Variants in SLC24A4 observed in about 807,000 individuals in gnomAD.
SLC24A4 encodes the protein sodium/potassium/calcium exchanger 4.
Under a neutral mutation model 79.0 loss-of-function variants are expected in SLC24A4, and 53 were observed. That is an observed-to-expected ratio of 0.67 (90% confidence interval 0.54 to 0.84). SLC24A4 has a LOEUF of 0.84. Among genes scored for constraint, SLC24A4 ranks in the 40% least tolerant of loss-of-function variants. SLC24A4 has a pLI of 0.00. For synonymous variants in SLC24A4, 323 were observed against 323.8 expected, an observed-to-expected ratio of 1.00 and a Z score of 0.03; for missense variants, 731 against 822.0, an observed-to-expected ratio of 0.89 and a Z score of 1.35.
At chr14:92,380,288 C>T (rs570528888) in intron 2 of SLC24A4, among the ~76,000 whole-genome samples, 71 of 152,342 alleles carry the variant, frequency 4.7e-4, no homozygotes, top group African/African-American at 1.7e-3. Flanking sequence ...CTCTAAGGAG[C>T]AGGTTGAGTC....
At chr14:92,400,465 G>A (rs1438970487) in intron 2 of SLC24A4, among the ~76,000 whole-genome samples, 2 of 151,748 alleles carry the variant, frequency 1.3e-5, no homozygotes, top group East Asian at 3.9e-4. Context: ...AAAAGAGTTG[G>A]GGGAAAAATA....
chr14:92,347,803 T>G (rs549806185), intron 2 of SLC24A4, among the ~76,000 whole-genome samples: 1 of 152,236 alleles, frequency 6.6e-6, no homozygotes, highest in Non-Finnish European at 1.5e-5. Context: ...GGTGGGCATC[T>G]GTAATCCCAG....
At chr14:92,483,250 G>C (rs1895161423) in intron 13 of SLC24A4, among the ~76,000 whole-genome samples, 1 of 152,166 alleles carries the variant, frequency 6.6e-6, no homozygotes, top group Admixed American at 6.5e-5. Flanking sequence ...CTTGTTCCTT[G>C]CTCCTGCCCA....
Position 92,496,649 on chromosome 14 carries a change from C to T in SLC24A4, c.*3021C>T, listed in dbSNP as rs1467800368. 2 of 152,106 alleles carry T rather than the reference C, an allele frequency of 1.3e-5. No homozygotes were observed. Among genetic ancestry groups the T allele is most frequent in the African/African-American group, 4.8e-5 (2 of 41,384 alleles). 9.4% of individuals were successfully genotyped at this position (152,106 alleles called of 1,614,324 possible). On this transcript the variant is annotated 3_prime_UTR_variant, in exon 17 of 17. Coordinates refer to ENST00000532405, the MANE Select transcript of SLC24A4 (RefSeq NM_153646.4). ...CTGGAGGAAGGTTCTGGGTCAGCTG[C>T]AATGAGAGACTGGTGATTAAGGGCA... is the stretch of plus-strand genomic sequence containing the variant.
At chr14:92,454,943 C>G (rs2139845515) in intron 11 of SLC24A4, among the ~76,000 whole-genome samples, 1 of 152,220 alleles carries the variant, frequency 6.6e-6, no homozygotes, top group African/African-American at 2.4e-5. Context: ...CCACTGGGTG[C>G]TGAGAGGGTG....
At chr14:92,377,698 C>T (rs1283874642) in intron 2 of SLC24A4, among the ~76,000 whole-genome samples, 1 of 152,080 alleles carries the variant, frequency 6.6e-6, no homozygotes. Context: ...ATGCTGGCTG[C>T]TGTGTGGAAG....
chr14:92,395,658 A>T (rs1889731857), intron 2 of SLC24A4, among the ~76,000 whole-genome samples: 1 of 152,180 alleles, frequency 6.6e-6, no homozygotes, highest in African/African-American at 2.4e-5. Context: ...TCAGGATTCC[A>T]TAAGAAGCCT....
In SLC24A4 at chr14:92,352,751, A is replaced by G. The variant is rs1356351793; in HGVS notation, c.241+26773A>G. ...ATGTCGGAGGTTTGGTCCAGCTTAAATTAGAGCAAGTTAGAGTTGCAGGGG... is the reference window on the plus strand; with the variant it reads ...ATGTCGGAGGTTTGGTCCAGCTTAAGTTAGAGCAAGTTAGAGTTGCAGGGG... On this transcript the variant is annotated intron_variant, in intron 2 of 16. Coordinates refer to ENST00000532405, the MANE Select transcript of SLC24A4 (RefSeq NM_153646.4). 5.9e-5 allele frequency among the ~76,000 whole-genome samples: 9 copies of G among 152,328 alleles called. No individual in the cohort carries two copies. The East Asian group carries it at 1.7e-3, about 29-fold the overall frequency.
At chr14:92,370,182 A>G (rs2141684969) in intron 2 of SLC24A4, among the ~76,000 whole-genome samples, 1 of 152,380 alleles carries the variant, frequency 6.6e-6, no homozygotes, top group Admixed American at 6.5e-5. Context: ...GAGAGCCCAT[A>G]GAATTTAAAC....
intron 2 of SLC24A4, among the ~76,000 whole-genome samples, chr14:92,369,885 G>A (rs1225201874): frequency 6.6e-6 from 1 of 152,228 alleles, no homozygotes; most frequent in Non-Finnish European, 1.5e-5. Flanking sequence ...TTTGTCCTTG[G>A]TTGACTCATT....
intron 12 of SLC24A4, among the ~76,000 whole-genome samples, chr14:92,469,244 C>A (rs1431746261): frequency 6.6e-6 from 1 of 152,096 alleles, no homozygotes. Flanking sequence ...CGCGGTGGCT[C>A]ACACCTGTAA....
At chr14:92,354,021 C>T (rs949946065) in intron 2 of SLC24A4, among the ~76,000 whole-genome samples, 1 of 152,216 alleles carries the variant, frequency 6.6e-6, no homozygotes, top group Non-Finnish European at 1.5e-5. Flanking sequence ...TTGTGTCCCT[C>T]CCATGAGGGT....
At chr14:92,456,259 G>T (rs550053443) in intron 11 of SLC24A4, 145 bp from the exon 12 acceptor site, 24 of 711,976 alleles carry the variant, frequency 3.4e-5, no homozygotes, top group Non-Finnish European at 5.6e-5. Flanking sequence ...CAAGGTCCTG[G>T]GGCTGATTCT....
intron 2 of SLC24A4, among the ~76,000 whole-genome samples, chr14:92,428,407 C>G (rs1393113102): frequency 6.6e-6 from 1 of 152,134 alleles, no homozygotes; most frequent in African/African-American, 2.4e-5. Context: ...GCCTGCGCAC[C>G]CATATCTAGG....
At chr14:92,457,012 C>T (rs986177137) in intron 12 of SLC24A4, among the ~76,000 whole-genome samples, 7 of 152,362 alleles carry the variant, frequency 4.6e-5, no homozygotes, top group Admixed American at 4.6e-4. Context: ...GCCTATGCAT[C>T]TCTTTATTTG....
chr14:92,434,038 C>T (rs1892031747), intron 3 of SLC24A4, 50 bp downstream of exon 3: 4 of 1,416,502 alleles, frequency 2.8e-6, no homozygotes, highest in Admixed American at 1.7e-5. Flanking sequence ...CATGAAGCCT[C>T]TCTGCACAGC....
At chr14:92,376,789 T>C (rs1390678232) in intron 2 of SLC24A4, among the ~76,000 whole-genome samples, 2 of 152,190 alleles carry the variant, frequency 1.3e-5, no homozygotes, top group Admixed American at 6.5e-5. Context: ...CTGAGAACAA[T>C]TGGCAATGTC....
At chr14:92,442,557 C>T (rs1892557181) in intron 5 of SLC24A4, among the ~76,000 whole-genome samples, 156 bp from the exon 6 acceptor site, 1 of 152,186 alleles carries the variant, frequency 6.6e-6, no homozygotes, top group South Asian at 2.1e-4. Context: ...ATTTCCACCT[C>T]CCTGGTTCTG....
At chr14:92,348,617 T>G (rs2141636765) in intron 2 of SLC24A4, among the ~76,000 whole-genome samples, 1 of 152,350 alleles carries the variant, frequency 6.6e-6, no homozygotes, top group South Asian at 2.1e-4. Context: ...ACACAGTAAT[T>G]ACTCTTACTC....
Sources: gnomAD v4.1 joint callset for allele counts (sites outside exome capture counted in the v4.1 genomes callset) on GRCh38, gnomAD v4.1.1 for gene constraint, MANE v1.5 for transcripts, NCBI Gene and HGNC (gene_info 2026-07-23, HGNC 2026-07-21) for gene names.